The following CD8A variants were observed in gnomAD, a reference collection of about 807,000 sequenced individuals.
CD8A encodes the protein T-cell surface glycoprotein CD8 alpha chain.
Under a neutral mutation model 24.2 loss-of-function variants are expected in CD8A, and 25 were observed. The ratio of observed to expected loss-of-function variants is 1.03; its 90% CI spans 0.75 to 1.44. CD8A has a LOEUF of 1.44. Ranked by LOEUF, CD8A falls within the 40% of genes most tolerant of loss-of-function variation. The probability of loss-of-function intolerance (pLI) is 0.00; values close to 1 mark genes in which losing one functional copy is unlikely to be tolerated. For synonymous variants in CD8A, 165 were observed against 149.9 expected, an observed-to-expected ratio of 1.10 and a Z score of -0.74; for missense variants, 360 against 319.7, an observed-to-expected ratio of 1.13 and a Z score of -0.96.
intron 5 of CD8A, among the ~76,000 whole-genome samples, chr2:86,787,081 C>CTT (rs759881985): frequency 0.079 from 7,290 of 91,846 alleles, 577 homozygotes; most frequent in African/African-American, 0.099. Context: ...TCCCCCCCCA[C>CTT]TTTTTTTTTT....
chr2:86,784,840 T>G lies in CD8A; in HGVS notation c.*1080A>C. The G allele has an allele frequency of 2.2e-6, 1 of 454,146 alleles. No homozygotes were observed. The highest frequency in any genetic ancestry group is 1.6e-5 in the South Asian group (1 of 64,478). The allele number at this position is 454,146 out of a possible 1,614,324, so 28.1% of individuals were successfully genotyped here. On this transcript the variant is annotated 3_prime_UTR_variant, in exon 6 of 6. Coordinates refer to ENST00000283635, the MANE Select transcript of CD8A (RefSeq NM_001768.7). ...TTTTTTCTCTCCAATGGGCAGGCAT[T>G]GCTTGTACCATACCTTAAGCAAGGA...
rs72936511 is a variant in CD8A at position 86,797,155 on chromosome 2, C to T, written c.-271+4356G>A. ...AATCTCAGTAACACTGAAACAGAAG[C>T]GTTCTGAATGCAACTGGAGAGCCAG... On this transcript the variant is annotated intron_variant, in intron 3 of 8. Transcript: ENST00000409511. Among the ~76,000 whole-genome samples, 35 of 152,168 alleles carry T rather than the reference C, an allele frequency of 2.3e-4. 1 individual carries two copies. Among genetic ancestry groups the T allele is most frequent in the Admixed American group, 9.8e-4 (15 of 15,288 alleles).
At chr2:86,792,427 G>A (rs1673340893), upstream of CD8A, among the ~76,000 whole-genome samples, 2 of 152,180 alleles carry the variant, frequency 1.3e-5, no homozygotes, top group South Asian at 4.1e-4. Flanking sequence ...AGCTGTGCTT[G>A]TTGAACTGCA....
At chr2:86,808,285 G>A (rs1404374801) in exon 1 of CD8A, 2 of 152,224 alleles carry the variant, frequency 1.3e-5, no homozygotes, top group East Asian at 2.0e-4. Context: ...GGGGGTACAG[G>A]GAAGGGTCGC....
Position 86,789,561 on chromosome 2 carries a change from T to C in CD8A, c.514+79A>G, listed in dbSNP as rs961560395. On this transcript the variant is annotated intron_variant, in intron 3 of 5. Coordinates refer to ENST00000283635, the MANE Select transcript of CD8A (RefSeq NM_001768.7). Reference sequence around the variant, plus strand: ...CACTTGGACAGCCCTTGACTCTACCTACAGTATCAGGGCTGTCCCTGGCAT... The same window carrying C: ...CACTTGGACAGCCCTTGACTCTACCCACAGTATCAGGGCTGTCCCTGGCAT... 3.1e-6 allele frequency: 4 copies of C among 1,306,310 alleles called. 1 individual carries two copies. The highest frequency in any genetic ancestry group is 2.4e-5 in the South Asian group (2 of 82,694). The allele number at this position is 1,306,310 out of a possible 1,614,324, so 80.9% of individuals were successfully genotyped here.
chr2:86,785,822 T>C lies in CD8A; in HGVS notation c.*98A>G. 1 of 879,184 alleles carries C rather than the reference T, an allele frequency of 1.1e-6. No individual in the cohort carries two copies. Among genetic ancestry groups the C allele is most frequent in the East Asian group, 2.4e-5 (1 of 41,616 alleles). The allele number at this position is 879,184 out of a possible 1,614,324, so 54.5% of individuals were successfully genotyped here. ...CTAAAATAATAATCATGAGAATGAA[T>C]ACACAGGGAGGAAGACTGGAAAAAA... On this transcript the variant is annotated 3_prime_UTR_variant, in exon 6 of 6. Coordinates refer to ENST00000283635, the MANE Select transcript of CD8A (RefSeq NM_001768.7).
At position 86,790,697 on chromosome 2, in the gene CD8A, A is replaced by C. The variant is rs542978694; in HGVS notation, c.50-16T>G. 6.3e-4 allele frequency: 1,004 copies of C among 1,590,056 alleles called. 1 individual carries two copies. The highest frequency in any genetic ancestry group is 1.3e-3 in the Middle Eastern group (6 of 4,750). The stretch of plus-strand genomic sequence containing the variant: ...CTGGCGGCGTCTGCAGGCGGCAAGC[A>C]GCGAGGCTGAGCCCGCAGTCCCGCG... On this transcript the variant is annotated splice_polypyrimidine_tract_variant and intron_variant, in intron 1 of 5. Transcript: ENST00000283635.
upstream of CD8A, chr2:86,791,683 C>T (rs534968901): frequency 6.6e-6 from 3 of 453,952 alleles, no homozygotes; most frequent in East Asian, 2.1e-4. Context: ...GGAAATTCAA[C>T]CCCCAGCTTG....
chr2:86,803,395 G>A (rs1673737035), intron 2 of CD8A, among the ~76,000 whole-genome samples: 1 of 152,174 alleles, frequency 6.6e-6, no homozygotes, highest in South Asian at 2.1e-4. Flanking sequence ...AATGGTTTAA[G>A]AAATTGTGGT....
In CD8A at chr2:86,785,395, G is replaced by A. The variant is rs944309379; in HGVS notation, c.*525C>T. Reference sequence around the variant, plus strand: ...GTATCCCAGGTATCAAGAAGTACTTGTTCCCTTGCCGTTGGAGACTCAAGC... The same window carrying A: ...GTATCCCAGGTATCAAGAAGTACTTATTCCCTTGCCGTTGGAGACTCAAGC... On this transcript the variant is annotated 3_prime_UTR_variant, in exon 6 of 6. Coordinates refer to ENST00000283635, the MANE Select transcript of CD8A (RefSeq NM_001768.7). 2.2e-6 allele frequency: 1 copy of A among 454,448 alleles called. No homozygotes were observed. 28.2% of individuals were successfully genotyped at this position (454,448 alleles called of 1,614,324 possible).
chr2:86,792,764 G>A (rs957742392), upstream of CD8A, among the ~76,000 whole-genome samples: 7 of 150,870 alleles, frequency 4.6e-5, no homozygotes, highest in Admixed American at 3.3e-4. Context: ...CCAAAGTGTT[G>A]AGATTACAGG....
chr2:86,790,532 G>A lies in CD8A; in HGVS notation c.199C>T (p.Pro67Ser). 2 of 1,613,768 alleles carry A rather than the reference G, an allele frequency of 1.2e-6. No individual in the cohort carries two copies. Among genetic ancestry groups the A allele is most frequent in the African/African-American group, 1.3e-5 (1 of 75,074 alleles). ...TGGGAGAGGTATAGGAGGAAGGTGGGACTGGCGGCGGCGCCGCGCGGCTGG... is the reference window on the plus strand; with the variant it reads ...TGGGAGAGGTATAGGAGGAAGGTGGAACTGGCGGCGGCGCCGCGCGGCTGG... Reference protein sequence around the residue: ...LFQPRGAAASPTFLLYLSQNK... With the variant: ...LFQPRGAAASSTFLLYLSQNK... The change falls in exon 2 of 6, where the codon CCC (proline) becomes TCC (serine). Residue 67 changes from proline (P) to serine (S), a missense_variant. Physicochemically the swap from Pro to Ser is moderately conservative, Grantham distance 74. Transcript: ENST00000283635.
chr2:86,796,499 T>C (rs1673487749), intron 3 of CD8A, among the ~76,000 whole-genome samples: 1 of 152,134 alleles, frequency 6.6e-6, no homozygotes, highest in African/African-American at 2.4e-5. Flanking sequence ...GCAGTTTGGA[T>C]TGGGCAGAGA....
intron 5 of CD8A, 148 bp downstream of exon 5, chr2:86,788,380 CTT>C: frequency 2.8e-6 from 2 of 719,696 alleles, no homozygotes; most frequent in South Asian, 3.1e-5. Flanking sequence ...CTTGGCCTCT[CTT>C]TGCTCAGGAA....
At chr2:86,789,896 C>A (rs1293705946) in intron 2 of CD8A, 146 bp from the exon 3 acceptor site, 12 of 563,048 alleles carry the variant, frequency 2.1e-5, no homozygotes, top group Non-Finnish European at 3.6e-5. Flanking sequence ...ATGGGGACCC[C>A]GGGATGCGCG....
chr2:86,805,641 G>A (rs1673823794), intron 2 of CD8A, among the ~76,000 whole-genome samples: 1 of 152,132 alleles, frequency 6.6e-6, no homozygotes, highest in Non-Finnish European at 1.5e-5. Flanking sequence ...CTGCCCGTTT[G>A]TCCACTGCTC....
In CD8A at chr2:86,784,825, C is replaced by T. The variant is rs149774232; in HGVS notation, c.*1095G>A. 4.4e-6 allele frequency: 2 copies of T among 454,032 alleles called. No individual in the cohort carries two copies. The highest frequency in any genetic ancestry group is 2.3e-5 in the Admixed American group (1 of 42,556). 28.1% of individuals were successfully genotyped at this position (454,032 alleles called of 1,614,324 possible). A position where few individuals can be genotyped will look rare whatever the true frequency, so the allele number is the denominator to read the frequency against. ...CCTTATCTACTTAAGTTTTTTCTCT[C>T]CAATGGGCAGGCATTGCTTGTACCA... On this transcript the variant is annotated 3_prime_UTR_variant, in exon 6 of 6. Coordinates refer to ENST00000283635, the MANE Select transcript of CD8A (RefSeq NM_001768.7).
upstream of CD8A, among the ~76,000 whole-genome samples, chr2:86,792,986 T>C (rs1673361644): frequency 6.6e-6 from 1 of 152,192 alleles, no homozygotes; most frequent in Non-Finnish European, 1.5e-5. Flanking sequence ...AAGTTCCCTG[T>C]CTCAACTCTC....
chr2:86,789,082 C>G (rs548293651), intron 4 of CD8A, among the ~76,000 whole-genome samples: 85 of 152,340 alleles, frequency 5.6e-4, no homozygotes, highest in East Asian at 2.9e-3. Flanking sequence ...ACGGAACACA[C>G]CCGCTGCAGC....
Sources: allele counts gnomAD v4.1 joint callset (sites outside exome capture counted in the v4.1 genomes callset), GRCh38; gene constraint gnomAD v4.1.1; transcripts MANE v1.5; gene names NCBI Gene and HGNC (gene_info 2026-07-23, HGNC 2026-07-21).